The following KMT2E variants were observed in gnomAD, a reference collection of about 807,000 sequenced individuals.
The protein encoded by KMT2E is histone reader KMT2E.
KMT2E carries 30 observed loss-of-function variants against 184.6 expected under a neutral mutation model. The observed-to-expected ratio is 0.16, with a 90% CI of 0.12 to 0.22. KMT2E has a LOEUF of 0.22. KMT2E is among the 10% of genes least tolerant of loss of function. The probability of loss-of-function intolerance (pLI) is 1.00; values close to 1 mark genes in which losing one functional copy is unlikely to be tolerated. For synonymous variants in KMT2E, 815 were observed against 776.5 expected (o/e 1.05, Z -0.82); for missense variants, 2,023 against 2,237.4 (o/e 0.90, Z 1.93).
In KMT2E at chr7:105,054,189, A is replaced by AT. The variant is rs766294251; in HGVS notation, c.72-7961dup. 5.7e-3 allele frequency among the ~76,000 whole-genome samples: 834 copies of AT among 145,476 alleles called. 4 individuals carry two copies. The highest frequency in any genetic ancestry group is 0.016 in the African/African-American group (635 of 39,884). ...CTGTCTCAAAAAAAAAGGCTGCGAA[A>AT]TTTTTTTTTTTTTTAAAGAAAGGCT... On this transcript the variant is annotated intron_variant, in intron 3 of 26. Transcript: ENST00000311117.
rs1798872665 is a variant in KMT2E at position 105,105,785 on chromosome 7, C to T, written c.2452-74C>T. 2.5e-5 allele frequency: 39 copies of T among 1,558,562 alleles called. No individual in the cohort carries two copies. In the South Asian group the frequency reaches 3.0e-4, roughly 12 times the overall value. On this transcript the variant is annotated intron_variant, in intron 18 of 26. Transcript: ENST00000311117. ...CATGGTAGTGAAATGCTTTTGGAAT[C>T]GGCTCTGTATTTACAGGCTATATAA...
chr7:105,103,668 G>A (rs1463188796), intron 17 of KMT2E: 1 of 151,962 alleles, frequency 6.6e-6, no homozygotes, highest in East Asian at 1.9e-4. Context: ...TCTATATACA[G>A]AGAGGGACAG....
At chr7:105,103,537 T>A (rs565471602) in intron 17 of KMT2E, 1 of 152,154 alleles carries the variant, frequency 6.6e-6, no homozygotes, top group Non-Finnish European at 1.5e-5. Context: ...AAGATTGAGA[T>A]ATAAAAAAGT....
intron 25 of KMT2E, 54 bp downstream of exon 25, chr7:105,110,656 A>G: frequency 1.2e-6 from 2 of 1,608,854 alleles, no homozygotes; most frequent in Non-Finnish European, 1.7e-6. Context: ...AAAATCAGAC[A>G]AGAGAGCCTT....
At chr7:105,108,678 T>A in intron 22 of KMT2E, 1 of 449,784 alleles carries the variant, frequency 2.2e-6, no homozygotes. Flanking sequence ...TTACTCAATT[T>A]CCTCATCTAT....
At chr7:105,063,784 ACAGT>A (rs764088491) in intron 5 of KMT2E, 37 of 551,060 alleles carry the variant, frequency 6.7e-5, no homozygotes, top group East Asian at 4.6e-4. Context: ...TGAGTAATAG[ACAGT>A]CAGTTCTGAA....
intron 22 of KMT2E, 82 bp from the exon 23 acceptor site, chr7:105,108,860 C>G (rs1799037251): frequency 8.5e-7 from 1 of 1,176,528 alleles, no homozygotes; most frequent in Non-Finnish European, 1.2e-6. Context: ...TAGTAATTCT[C>G]TTTAGACAAA....
intron 6 of KMT2E, among the ~76,000 whole-genome samples, chr7:105,067,423 A>G (rs1421670329): frequency 2.0e-5 from 3 of 151,956 alleles, no homozygotes; most frequent in African/African-American, 7.3e-5. Context: ...GTTTTTTAAA[A>G]TCTTTTTATT....
chr7:105,074,818 A>G lies in KMT2E; in HGVS notation c.729+3A>G. 1 of 1,596,498 alleles carries G rather than the reference A, an allele frequency of 6.3e-7. No homozygotes were observed. The highest frequency in any genetic ancestry group is 8.5e-7 in the Non-Finnish European group (1 of 1,172,314). Reference sequence around the variant, plus strand: ...AACACATTTCAAAATGTAAAAAGGTACGTTTTTGCTTGTTTTTAGGTGAGT... The same window carrying G: ...AACACATTTCAAAATGTAAAAAGGTGCGTTTTTGCTTGTTTTTAGGTGAGT... On this transcript the variant is annotated splice_donor_region_variant and intron_variant, in intron 8 of 26. Transcript: ENST00000311117.
rs1252784619 is a variant in KMT2E, at chr7:105,107,902, C to A, written c.3445C>A (p.Gln1149Lys). The change falls in exon 22 of 27, where the codon CAG becomes AAG. Residue 1149 changes from glutamine to lysine, a missense_variant. By Grantham distance (53) the Gln-to-Lys change is moderately conservative (BLOSUM62 1). Coordinates refer to ENST00000311117, the MANE Select transcript of KMT2E (RefSeq NM_182931.3). ...DNLIDGNCTP[Q>K]NPPQKKKVSL... ...TTTGATCGACGGGAATTGCACACCC[C>A]AGAATCCACCACAAAAGAAAAAGGT... The A allele has an allele frequency of 7.5e-6, 12 of 1,604,084 alleles. No individual in the cohort carries two copies. The highest frequency in any genetic ancestry group is 1.0e-5 in the Non-Finnish European group (12 of 1,175,102).
chr7:105,098,123 TA>T (rs1426692178), intron 15 of KMT2E, among the ~76,000 whole-genome samples: 1 of 152,234 alleles, frequency 6.6e-6, no homozygotes, highest in Non-Finnish European at 1.5e-5. Flanking sequence ...TTATCTTTGT[TA>T]TATAAAAGGG....
intron 3 of KMT2E, among the ~76,000 whole-genome samples, chr7:105,044,304 A>G (rs1796009119): frequency 6.6e-6 from 1 of 152,214 alleles, no homozygotes; most frequent in African/African-American, 2.4e-5. Flanking sequence ...ACAGTCATAA[A>G]TAGTACTCTG....
chr7:105,022,014 T>C (rs543963603), intron 1 of KMT2E, among the ~76,000 whole-genome samples: 1 of 152,314 alleles, frequency 6.6e-6, no homozygotes, highest in East Asian at 1.9e-4. Context: ...TCTCTTTATA[T>C]ATACACCTGG....
At chr7:105,085,924 G>A (rs1282999786) in intron 13 of KMT2E, among the ~76,000 whole-genome samples, 12 of 152,154 alleles carry the variant, frequency 7.9e-5, no homozygotes, top group African/African-American at 1.4e-4. Context: ...CGCCCGCCTC[G>A]GCCTCCCAAA....
chr7:105,073,558 A>C, intron 6 of KMT2E, 61 bp from the exon 7 acceptor site: 1 of 1,014,322 alleles, frequency 9.9e-7, no homozygotes, highest in Non-Finnish European at 1.5e-6. Flanking sequence ...AAAGTTTATC[A>C]CATTTAAGAC....
chr7:105,015,232 A>G (rs1794666397), intron 1 of KMT2E, among the ~76,000 whole-genome samples: 1 of 152,162 alleles, frequency 6.6e-6, no homozygotes, highest in Non-Finnish European at 1.5e-5. Flanking sequence ...CATTTCAGAA[A>G]AGCTTATTTT....
At chr7:105,038,634 T>G (rs1795758965) in intron 2 of KMT2E, 1 of 152,408 alleles carries the variant, frequency 6.6e-6, no homozygotes, top group South Asian at 2.1e-4. Context: ...GTGCTGGGAT[T>G]ACAGGCTTGA....
At position 105,023,402 on chromosome 7, in the gene KMT2E, C is replaced by CAAA. The variant is rs1158885663; in HGVS notation, c.-189+8885_-189+8887dup. Among the ~76,000 whole-genome samples the CAAA allele has an allele frequency of 4.3e-3, 240 of 55,896 alleles. 5 individuals carry two copies. In the East Asian group the frequency reaches 0.049, roughly 11 times the overall value. The allele number at this position is 55,896 out of a possible 152,430, so 36.7% of individuals were successfully genotyped here. ...GGGTGACAAGAGTGAGACTCTGTCT[C>CAAA]AAAAAAAAAAAAAAAAAAAAGAGAG... On this transcript the variant is annotated intron_variant, in intron 1 of 26. Coordinates refer to ENST00000311117, the MANE Select transcript of KMT2E (RefSeq NM_182931.3).
At chr7:105,071,492 G>C (rs1260712643) in intron 6 of KMT2E, among the ~76,000 whole-genome samples, 1 of 147,644 alleles carries the variant, frequency 6.8e-6, no homozygotes, top group Non-Finnish European at 1.5e-5. Flanking sequence ...TCAGCCTGCC[G>C]AGTAGCTGGA....
Sources: gnomAD v4.1 joint callset for allele counts (sites outside exome capture counted in the v4.1 genomes callset) on GRCh38, gnomAD v4.1.1 for gene constraint, MANE v1.5 for transcripts, NCBI Gene and HGNC (gene_info 2026-07-23, HGNC 2026-07-21) for gene names.